The following PCDHA9 variants were observed in gnomAD, a reference collection of about 807,000 sequenced individuals.
PCDHA9 encodes the protein protocadherin alpha-9.
PCDHA9 carries 62 observed loss-of-function variants against 62.0 expected under a neutral mutation model. That is an observed-to-expected ratio of 1.00 (90% CI 0.81 to 1.23). The LOEUF (loss-of-function observed/expected upper bound fraction) is 1.23, where lower values mean the gene tolerates loss of function less well. Among genes scored for constraint, PCDHA9 ranks in the 50% most tolerant of loss-of-function variants. The pLI, the probability that PCDHA9 is intolerant of heterozygous loss-of-function variation, is 0.00. For synonymous variants in PCDHA9, 557 were observed against 567.6 expected, an observed-to-expected ratio of 0.98 and a Z score of 0.27; for missense variants, 1,205 against 1,249.8, an observed-to-expected ratio of 0.96 and a Z score of 0.54.
intron 1 of PCDHA9, among the ~76,000 whole-genome samples, chr5:140,950,995 C>T (rs1554219713): frequency 6.6e-6 from 1 of 151,856 alleles, no homozygotes; most frequent in Non-Finnish European, 1.5e-5. Flanking sequence ...TCTTTTAGCT[C>T]CATTTTTCCC....
At chr5:141,006,951 T>TA (rs1428990680) in intron 3 of PCDHA9, among the ~76,000 whole-genome samples, 1 of 152,164 alleles carries the variant, frequency 6.6e-6, no homozygotes, top group Non-Finnish European at 1.5e-5. Context: ...GATAGGCAGT[T>TA]ATACATGAGA....
Position 140,850,265 on chromosome 5 carries a change from G to A in PCDHA9, c.1770G>A (p.Val590=), listed in dbSNP as rs2150476543. Residue 590 remains valine, a synonymous_variant, in exon 1 of 4, where the codon GTG becomes GTA. Transcript: ENST00000532602. ...MVLRSVGAGV[V]VGKVRAVDAD... is the part of the protein sequence containing the mutation. ...TGCGGTCGGTGGGCGCCGGCGTAGT[G>A]GTGGGGAAGGTGCGCGCAGTGGACG... 1.3e-6 allele frequency: 2 copies of A among 1,594,610 alleles called. No individual in the cohort carries two copies. The highest frequency in any genetic ancestry group is 1.7e-5 in the Admixed American group (1 of 59,254).
At chr5:140,875,951 C>A (rs1292449525) in intron 1 of PCDHA9, 2 of 1,614,116 alleles carry the variant, frequency 1.2e-6, no homozygotes, top group East Asian at 2.2e-5. Flanking sequence ...GCTTCTGATG[C>A]GGATATCGGC....
chr5:140,968,802 C>T, intron 1 of PCDHA9: 1 of 1,614,218 alleles, frequency 6.2e-7, no homozygotes. Flanking sequence ...ATTACAGTAG[C>T]TGTGGTGGAT....
At chr5:140,927,780 T>C (rs1189193877) in intron 1 of PCDHA9, 5 of 1,614,090 alleles carry the variant, frequency 3.1e-6, no homozygotes, top group African/African-American at 1.3e-5. Flanking sequence ...TGCAAGTAGC[T>C]GCTTCACTAG....
chr5:140,886,841 A>AG (rs1432829346), intron 1 of PCDHA9, among the ~76,000 whole-genome samples: 1 of 151,546 alleles, frequency 6.6e-6, no homozygotes, highest in Non-Finnish European at 1.5e-5. Flanking sequence ...AAAAAAAAAA[A>AG]AAAAAAGAAA....
intron 1 of PCDHA9, 24 bp downstream of exon 1, chr5:140,850,913 T>G: frequency 6.5e-7 from 1 of 1,539,368 alleles, no homozygotes; most frequent in East Asian, 2.3e-5. Flanking sequence ...GCATTTTATT[T>G]ATTTATATAA....
chr5:140,928,643 T>C (rs2085399261), intron 1 of PCDHA9: 7 of 1,614,222 alleles, frequency 4.3e-6, no homozygotes, highest in Non-Finnish European at 5.9e-6. Context: ...ACAAAAGTGG[T>C]AGCAGAGGAT....
At chr5:140,958,530 A>G (rs1283308982) in intron 1 of PCDHA9, among the ~76,000 whole-genome samples, 1 of 152,188 alleles carries the variant, frequency 6.6e-6, no homozygotes, top group East Asian at 1.9e-4. Flanking sequence ...TACTATGTGT[A>G]CATTGATTTA....
rs1274715970 is a variant in PCDHA9, at chr5:140,849,195, G to A, written c.700G>A (p.Asp234Asn). ...CGTTCAATTACTCATCACGGTACTG[G>A]ACAACAATGACAATGCCCCAGTGTT... Reference protein sequence around the residue: ...GTVQLLITVLDNNDNAPVFDR... With the variant: ...GTVQLLITVLNNNDNAPVFDR... The change falls in exon 1 of 4, where the codon GAC becomes AAC. Residue 234 changes from aspartate (D) to asparagine (N), a missense_variant. Coordinates refer to ENST00000532602, the MANE Select transcript of PCDHA9 (RefSeq NM_031857.2). The A allele has an allele frequency of 2.4e-5, 25 of 1,038,632 alleles. 3 individuals carry two copies. The highest frequency in any genetic ancestry group is 1.1e-4 in the Admixed American group (4 of 36,524). 64.3% of individuals were successfully genotyped at this position (1,038,632 alleles called of 1,614,324 possible).
rs2150433092 is a variant in PCDHA9 at position 140,849,218 on chromosome 5, G to A, written c.723G>A (p.Val241=). ...TGGACAACAATGACAATGCCCCAGT[G>A]TTCGACAGAACCCTGTATACGGTGA... ...TVLDNNDNAP[V]FDRTLYTVKL... is the part of the protein sequence containing the mutation. The change falls in exon 1 of 4, where the codon GTG becomes GTA. Residue 241 remains valine (V), a synonymous_variant. Coordinates refer to ENST00000532602, the MANE Select transcript of PCDHA9 (RefSeq NM_031857.2). The A allele has an allele frequency of 1.9e-6, 2 of 1,040,734 alleles. No homozygotes were observed. Among genetic ancestry groups the A allele is most frequent in the South Asian group, 3.2e-5 (2 of 61,546 alleles). The allele number at this position is 1,040,734 out of a possible 1,614,324, so 64.5% of individuals were successfully genotyped here. A position where few individuals can be genotyped will look rare whatever the true frequency, so the allele number is the denominator to read the frequency against.
At chr5:140,971,845 G>C (rs370364575) in intron 1 of PCDHA9, among the ~76,000 whole-genome samples, 1 of 151,934 alleles carries the variant, frequency 6.6e-6, no homozygotes, top group Non-Finnish European at 1.5e-5. Flanking sequence ...CAAGTCATGC[G>C]TTAAATATTT....
In PCDHA9 at chr5:140,904,046, T is replaced by C. The variant is rs2153483198; in HGVS notation, c.2394+53157T>C. 2.0e-5 allele frequency among the ~76,000 whole-genome samples: 3 copies of C among 152,346 alleles called. No homozygotes were observed. The East Asian group carries it at 5.8e-4, about 29-fold the overall frequency. ...GTATAATTTAACTTTTTAATTTTTT[T>C]ATTTCAATGGGTTTTTGGGGAACAG... On this transcript the variant is annotated intron_variant, in intron 1 of 3. Coordinates refer to ENST00000532602, the MANE Select transcript of PCDHA9 (RefSeq NM_031857.2).
At chr5:140,944,596 G>A (rs2093672992) in intron 1 of PCDHA9, among the ~76,000 whole-genome samples, 1 of 152,138 alleles carries the variant, frequency 6.6e-6, no homozygotes, top group Admixed American at 6.5e-5. Context: ...ATTTCCCTGG[G>A]TAGAGTAGTG....
At chr5:140,991,026 T>A (rs1003749305) in intron 3 of PCDHA9, among the ~76,000 whole-genome samples, 8 of 152,210 alleles carry the variant, frequency 5.3e-5, no homozygotes, top group Admixed American at 2.0e-4. Context: ...ACTTTACATA[T>A]GTTGCATACT....
intron 1 of PCDHA9, among the ~76,000 whole-genome samples, chr5:140,945,222 A>T (rs1019202574): frequency 4.6e-5 from 7 of 152,260 alleles, no homozygotes; most frequent in Middle Eastern, 6.8e-3. Context: ...AAATAAAAAT[A>T]CTTAGGAATA....
chr5:140,966,945 A>G, intron 1 of PCDHA9: 1 of 1,603,804 alleles, frequency 6.2e-7, no homozygotes, highest in Non-Finnish European at 8.5e-7. Flanking sequence ...CTCGTGGGCA[A>G]CGTGGCTCGC....
At chr5:140,871,275 A>C in intron 1 of PCDHA9, 3 of 1,613,900 alleles carry the variant, frequency 1.9e-6, no homozygotes, top group Non-Finnish European at 2.5e-6. Flanking sequence ...GGTGGTCGGC[A>C]ACGCCCACTG....
At chr5:140,978,881 A>G in intron 1 of PCDHA9, 68 bp from the exon 2 acceptor site, 1 of 1,610,922 alleles carries the variant, frequency 6.2e-7, no homozygotes, top group Non-Finnish European at 8.5e-7. Flanking sequence ...TAACTAATCA[A>G]TTAGCAGCAT....
Sources: allele counts gnomAD v4.1 joint callset (sites outside exome capture counted in the v4.1 genomes callset), GRCh38; gene constraint gnomAD v4.1.1; transcripts MANE v1.5; gene names NCBI Gene and HGNC (gene_info 2026-07-23, HGNC 2026-07-21).